Variants in LRRC37A2 observed in about 807,000 individuals in gnomAD.
The protein encoded by LRRC37A2 is leucine-rich repeat-containing protein 37A2.
A neutral mutation model predicts 68.8 loss-of-function variants in LRRC37A2; 9 were observed. That is an observed-to-expected ratio of 0.13 (90% CI 0.08 to 0.23). The LOEUF (loss-of-function observed/expected upper bound fraction) is 0.23. LRRC37A2 is among the 10% of genes least tolerant of loss of function. The pLI, the probability that LRRC37A2 is intolerant of heterozygous loss-of-function variation, is 1.00. For missense variants in LRRC37A2, 168 were observed against 950.4 expected (o/e 0.18, Z 10.82); for synonymous variants, 63 against 367.6 (o/e 0.17, Z 9.48).
At chr17:46,938,998 T>G in the LRRC37A2 span, 1 of 1,369,698 alleles carries the variant, frequency 7.3e-7, no homozygotes, top group Non-Finnish European at 9.5e-7. Context: ...GTCCCGGGTC[T>G]GTCTCTCTCA....
the LRRC37A2 span, chr17:46,872,556 G>A: frequency 6.3e-7 from 1 of 1,583,950 alleles, no homozygotes; most frequent in Non-Finnish European, 8.6e-7. Flanking sequence ...TCCCAGGATT[G>A]GGCACTGCGG....
chr17:46,732,447 T>G, the LRRC37A2 span, among the ~76,000 whole-genome samples: 1 of 151,942 alleles, frequency 6.6e-6, no homozygotes, highest in Non-Finnish European at 1.5e-5. Flanking sequence ...TCTTGGATTT[T>G]CAGTGTAGAA....
At chr17:46,840,233 C>G in the LRRC37A2 span, among the ~76,000 whole-genome samples, 2 of 151,880 alleles carry the variant, frequency 1.3e-5, no homozygotes, top group African/African-American at 2.4e-5. Context: ...ACTACAGGTG[C>G]CCGACACCAC....
chr17:46,957,792 A>G, the LRRC37A2 span, among the ~76,000 whole-genome samples: 1 of 152,214 alleles, frequency 6.6e-6, no homozygotes, highest in East Asian at 1.9e-4. Context: ...GAAATGGGCC[A>G]GATATCGGAC....
the LRRC37A2 span, among the ~76,000 whole-genome samples, chr17:46,829,174 A>G: frequency 2.7e-5 from 4 of 148,054 alleles, no homozygotes; most frequent in Non-Finnish European, 4.5e-5. Flanking sequence ...TTATATTTCA[A>G]TTTTTTTTTT....
the LRRC37A2 span, chr17:46,763,844 AAAC>A: frequency 3.1e-5 from 4 of 127,706 alleles, no homozygotes; most frequent in African/African-American, 1.3e-4. Flanking sequence ...AAAAAAAAAA[AAAC>A]AAAAAAACAA....
the LRRC37A2 span, among the ~76,000 whole-genome samples, chr17:47,012,069 A>G: frequency 6.6e-6 from 1 of 152,224 alleles, no homozygotes; most frequent in East Asian, 1.9e-4. Context: ...TTAGCATCCG[A>G]TGATGATTCT....
the LRRC37A2 span, among the ~76,000 whole-genome samples, chr17:46,995,070 C>T: frequency 6.6e-6 from 1 of 152,202 alleles, no homozygotes; most frequent in Admixed American, 6.5e-5. Flanking sequence ...TTGCAGTGAG[C>T]AGAGATCAAG....
At chr17:46,539,624 G>A (rs1222516058) in intron 6 of LRRC37A2, among the ~76,000 whole-genome samples, 70 of 138,518 alleles carry the variant, frequency 5.1e-4, no homozygotes, top group African/African-American at 1.7e-3. Context: ...TTAGCTGGGC[G>A]TGGTGGTGGG....
At chr17:46,997,091 C>T in the LRRC37A2 span, among the ~76,000 whole-genome samples, 1 of 152,156 alleles carries the variant, frequency 6.6e-6, no homozygotes, top group Non-Finnish European at 1.5e-5. Flanking sequence ...TGGCTCACGT[C>T]AGTAATCCTA....
At chr17:46,968,538 T>C in the LRRC37A2 span, among the ~76,000 whole-genome samples, 1 of 152,306 alleles carries the variant, frequency 6.6e-6, no homozygotes, top group East Asian at 1.9e-4. Flanking sequence ...CATGCCAAGC[T>C]CATCAATCAC....
chr17:46,901,762 G>A, the LRRC37A2 span, among the ~76,000 whole-genome samples: 4 of 150,700 alleles, frequency 2.7e-5, no homozygotes, highest in Non-Finnish European at 5.9e-5. Flanking sequence ...CCCCCACAAT[G>A]TCAGCTGCCT....
the LRRC37A2 span, among the ~76,000 whole-genome samples, chr17:46,649,092 T>TG: frequency 1.5e-5 from 1 of 68,570 alleles, no homozygotes; most frequent in Non-Finnish European, 2.8e-5. Flanking sequence ...GTATGTTTCT[T>TG]GGGGTGACTC....
At chr17:47,024,699 T>C in the LRRC37A2 span, 26 of 857,256 alleles carry the variant, frequency 3.0e-5, 1 homozygote, top group South Asian at 3.3e-4. Flanking sequence ...AGAAAATAAC[T>C]TGACTGAATT....
the LRRC37A2 span, among the ~76,000 whole-genome samples, chr17:46,813,459 C>T: frequency 7.2e-6 from 1 of 139,690 alleles, no homozygotes; most frequent in Non-Finnish European, 1.5e-5. Context: ...CAGGATGGCT[C>T]TAACCTTTGG....
the LRRC37A2 span, among the ~76,000 whole-genome samples, chr17:46,980,359 TTTCTTTCTCTTC>T: frequency 6.6e-5 from 10 of 150,528 alleles, no homozygotes; most frequent in South Asian, 4.2e-4. Flanking sequence ...TTCCTTCTTC[TTTCTTTCTCTTC>T]TTCTTTCTCT....
the LRRC37A2 span, chr17:47,027,440 C>T: frequency 8.6e-6 from 5 of 579,928 alleles, no homozygotes; most frequent in Admixed American, 5.7e-5. Flanking sequence ...CAAGTCCAAA[C>T]GTTTAGAGTT....
the LRRC37A2 span, among the ~76,000 whole-genome samples, chr17:46,815,887 A>G: frequency 6.6e-6 from 1 of 152,006 alleles, no homozygotes; most frequent in Non-Finnish European, 1.5e-5. Context: ...ATTCATACCC[A>G]CAGGTAGATG....
the LRRC37A2 span, among the ~76,000 whole-genome samples, chr17:47,015,359 A>G: frequency 6.6e-6 from 1 of 152,190 alleles, no homozygotes; most frequent in South Asian, 2.1e-4. Flanking sequence ...CCATGTTTAC[A>G]TACACAAATA....
Sources: gnomAD v4.1 joint callset for allele counts (sites outside exome capture counted in the v4.1 genomes callset) on GRCh38, gnomAD v4.1.1 for gene constraint, MANE v1.5 for transcripts, NCBI Gene and HGNC (gene_info 2026-07-23, HGNC 2026-07-21) for gene names.